ZNF462: variants seen among roughly 807,000 people sequenced by gnomAD.
The protein encoded by ZNF462 is zinc finger protein 462, also known as zinc finger PBX1-interacting protein.
Under a neutral mutation model 201.9 loss-of-function variants are expected in ZNF462, and 10 were observed. The ratio of observed to expected loss-of-function variants is 0.05; its 90% confidence interval spans 0.03 to 0.08. ZNF462 has a LOEUF of 0.08. ZNF462 is among the 10% of genes least tolerant of loss of function. The probability of loss-of-function intolerance (pLI) is 1.00; values close to 1 mark genes in which losing one functional copy is unlikely to be tolerated. For synonymous variants in ZNF462, 1,227 were observed against 1,193.3 expected, an observed-to-expected ratio of 1.03 and a Z score of -0.58; for missense variants, 2,523 against 3,168.3, an observed-to-expected ratio of 0.80 and a Z score of 4.89.
Position 106,923,223 on chromosome 9 carries a change from A to T in ZNF462, c.-30-131A>T. On this transcript the variant is annotated intron_variant, in intron 1 of 12. Transcript: ENST00000277225. This position sits in a 1 kb window ranked among gnomAD's most constrained non-coding sequence, Gnocchi z 5.6. ...TTGCCTCTCTTTAGCCAATGTTCCA[A>T]CTGGCAAAGTCCAATAAGAGAAATC... 1 of 659,074 alleles carries T rather than the reference A, an allele frequency of 1.5e-6. No homozygotes were observed. The highest frequency in any genetic ancestry group is 2.6e-6 in the Non-Finnish European group (1 of 380,654). 40.8% of individuals were successfully genotyped at this position (659,074 alleles called of 1,614,324 possible).
At position 106,863,192 on chromosome 9, in the gene ZNF462, G is replaced by A. The variant is rs1827133182; in HGVS notation, c.-194G>A. The A allele has an allele frequency of 2.5e-6, 1 of 399,282 alleles. No individual in the cohort carries two copies. 24.7% of individuals were successfully genotyped at this position (399,282 alleles called of 1,614,324 possible). A position where few individuals can be genotyped will look rare whatever the true frequency, so the allele number is the denominator to read the frequency against. On this transcript the variant is annotated 5_prime_UTR_variant, in exon 1 of 13. Transcript: ENST00000277225. ...AGTCTGAGGAGCCGAGGAAGGCAGG[G>A]AAGATGGCGATCCTCCATTGCTGAG...
Position 106,978,291 on chromosome 9 carries a change from C to T in ZNF462, c.6832+4018C>T, listed in dbSNP as rs1364175530. Among the ~76,000 whole-genome samples the T allele has an allele frequency of 6.6e-6, 1 of 151,482 alleles. No homozygotes were observed. The highest frequency in any genetic ancestry group is 1.5e-5 in the Non-Finnish European group (1 of 68,024). ...ACCACTGAGGTCGGTGGAAGCAAGA[C>T]ATGTTTGCAGAATGTTATTAGACAT... On this transcript the variant is annotated intron_variant, in intron 9 of 12. Coordinates refer to ENST00000277225, the MANE Select transcript of ZNF462 (RefSeq NM_021224.6). This position sits in a 1 kb window ranked among gnomAD's most constrained non-coding sequence, Gnocchi z 4.1.
intron 1 of ZNF462, among the ~76,000 whole-genome samples, chr9:106,900,378 A>G (rs879791831): frequency 1.3e-5 from 2 of 152,014 alleles, no homozygotes; most frequent in Non-Finnish European, 2.9e-5. Context: ...TAATGACTTC[A>G]TTTCCTCTGG....
Position 107,005,851 on chromosome 9 carries a change from A to G in ZNF462, c.7189+2425A>G, listed in dbSNP as rs1435041279. 6.6e-6 allele frequency among the ~76,000 whole-genome samples: 1 copy of G among 152,126 alleles called. No individual in the cohort carries two copies. Among genetic ancestry groups the G allele is most frequent in the Non-Finnish European group, 1.5e-5 (1 of 68,020 alleles). On this transcript the variant is annotated intron_variant, in intron 11 of 12. Transcript: ENST00000277225. The surrounding 1 kb of genome is among the most constrained non-coding windows in gnomAD (Gnocchi z 4.4). ...CAAGTTTTTAATTCATTTTGAGACG[A>G]TTTTTGTATCTGGTGTGAGATAAGG...
chr9:106,949,655 C>T (rs530629966), intron 7 of ZNF462, among the ~76,000 whole-genome samples: 18 of 152,114 alleles, frequency 1.2e-4, no homozygotes, highest in Non-Finnish European at 2.2e-4. Context: ...CTTCTACTTC[C>T]TTTGTTTAAT....
rs1830354683 is a variant in ZNF462, at chr9:106,929,906, G to A, written c.5847+147G>A. 1.4e-6 allele frequency: 1 copy of A among 719,230 alleles called. No homozygotes were observed. Among genetic ancestry groups the A allele is most frequent in the South Asian group, 1.9e-5 (1 of 52,932 alleles). The allele number at this position is 719,230 out of a possible 1,614,324, so 44.6% of individuals were successfully genotyped here. ...TCAATAAGTCAATTAAACATTTCGAGCTTGATTATCTCCCATTCTGTGCTC... is the reference window on the plus strand; with the variant it reads ...TCAATAAGTCAATTAAACATTTCGAACTTGATTATCTCCCATTCTGTGCTC... On this transcript the variant is annotated intron_variant, in intron 3 of 12. Coordinates refer to ENST00000277225, the MANE Select transcript of ZNF462 (RefSeq NM_021224.6). The surrounding 1 kb of genome is among the most constrained non-coding windows in gnomAD (Gnocchi z 8.7).
At chr9:106,871,326 C>T (rs1827581437) in intron 1 of ZNF462, among the ~76,000 whole-genome samples, 2 of 152,046 alleles carry the variant, frequency 1.3e-5, no homozygotes, top group South Asian at 2.1e-4. Context: ...GTAGCATCAG[C>T]ACAAGTAGAA....
At position 106,984,728 on chromosome 9, in the gene ZNF462, C is replaced by A. The variant is rs908947298; in HGVS notation, c.7056+319C>A. On this transcript the variant is annotated intron_variant, in intron 10 of 12. Transcript: ENST00000277225. This position sits in a 1 kb window ranked among gnomAD's most constrained non-coding sequence, Gnocchi z 6.4. The stretch of plus-strand genomic sequence containing the variant: ...TTATACTATACATAAAACATGATAC[C>A]TTACATTTTTTAAAGCTTATTCTAA... Among the ~76,000 whole-genome samples, 1 of 152,102 alleles carries A rather than the reference C, an allele frequency of 6.6e-6. No homozygotes were observed. Among genetic ancestry groups the A allele is most frequent in the African/African-American group, 2.4e-5 (1 of 41,420 alleles).
chr9:106,927,398 G>T lies in ZNF462; in HGVS notation c.3486G>T (p.Gly1162=), dbSNP rs758632270. 1.9e-6 allele frequency: 3 copies of T among 1,613,882 alleles called. No homozygotes were observed. Among genetic ancestry groups the T allele is most frequent in the African/African-American group, 1.3e-5 (1 of 74,952 alleles). ...CTGCAATGATGAGAGGGGTCGAAGG[G>T]CCCCAAGGCTCCCCCCGGCCACCCG... ...PTAAMMRGVE[G]PQGSPRPPAP... Residue 1162 remains glycine (G), a synonymous_variant, in exon 3 of 13, where the codon GGG becomes GGT. Coordinates refer to ENST00000277225, the MANE Select transcript of ZNF462 (RefSeq NM_021224.6).
chr9:106,924,545 A>G lies in ZNF462; in HGVS notation c.633A>G (p.Ser211=), dbSNP rs149654492. Reference sequence around the variant, plus strand: ...CAGACCCTGTGGTTCCGCCCGTATCACTGCAGGACCCCTGCAAGGAACTGC... The same window carrying G: ...CAGACCCTGTGGTTCCGCCCGTATCGCTGCAGGACCCCTGCAAGGAACTGC... ...PMPDPVVPPV[S]LQDPCKELPA... Residue 211 remains serine (S), a synonymous_variant, in exon 3 of 13, where the codon TCA becomes TCG. Coordinates refer to ENST00000277225, the MANE Select transcript of ZNF462 (RefSeq NM_021224.6). This position sits in a 1 kb window ranked among gnomAD's most constrained non-coding sequence, Gnocchi z 6.2. The G allele has an allele frequency of 3.8e-4, 621 of 1,614,152 alleles. 6 individuals carry two copies. In the African/African-American group the frequency reaches 7.5e-3, roughly 20 times the overall value.
chr9:106,951,337 A>G (rs1831337733), intron 7 of ZNF462, among the ~76,000 whole-genome samples: 1 of 152,140 alleles, frequency 6.6e-6, no homozygotes, highest in African/African-American at 2.4e-5. Flanking sequence ...ATCATCCACT[A>G]TGTGTTGCCA....
At chr9:106,864,814 G>C (rs1388201882) in intron 1 of ZNF462, among the ~76,000 whole-genome samples, 2 of 152,140 alleles carry the variant, frequency 1.3e-5, no homozygotes, top group Non-Finnish European at 2.9e-5. Context: ...GTTTGCTTTG[G>C]TTTTGTTTCT....
chr9:106,884,786 A>T (rs1828248489), intron 1 of ZNF462, among the ~76,000 whole-genome samples: 1 of 152,030 alleles, frequency 6.6e-6, no homozygotes, highest in Non-Finnish European at 1.5e-5. Flanking sequence ...TTGACCGAGG[A>T]CTTGTTCCAT....
Position 106,927,872 on chromosome 9 carries a change from C to G in ZNF462, c.3960C>G (p.Ser1320=). ...ACCACTGCGAGTGGTGCATCTACTCCCATACGGAGCCCAACGGTTTGCTCC... is the reference window on the plus strand; with the variant it reads ...ACCACTGCGAGTGGTGCATCTACTCGCATACGGAGCCCAACGGTTTGCTCC... ...AGYHCEWCIY[S]HTEPNGLLLH... is the part of the protein sequence containing the mutation. Residue 1320 remains serine, a synonymous_variant, in exon 3 of 13, where the codon TCC becomes TCG. Coordinates refer to ENST00000277225, the MANE Select transcript of ZNF462 (RefSeq NM_021224.6). 1.9e-6 allele frequency: 3 copies of G among 1,614,154 alleles called. No individual in the cohort carries two copies. Among genetic ancestry groups the G allele is most frequent in the Non-Finnish European group, 2.5e-6 (3 of 1,180,040 alleles).
At chr9:106,911,137 G>T (rs935421895) in intron 1 of ZNF462, among the ~76,000 whole-genome samples, 1 of 152,174 alleles carries the variant, frequency 6.6e-6, no homozygotes, top group Non-Finnish European at 1.5e-5. Context: ...ATCAGCACTT[G>T]AAGTAGCCAC....
chr9:106,930,362 T>G lies in ZNF462; in HGVS notation c.5848-163T>G, dbSNP rs1367209209. Among the ~76,000 whole-genome samples the G allele has an allele frequency of 6.6e-6, 1 of 152,222 alleles. No individual in the cohort carries two copies. Among genetic ancestry groups the G allele is most frequent in the Non-Finnish European group, 1.5e-5 (1 of 68,030 alleles). ...ACTTTGCATAGTAGGCAGCGTGCCA[T>G]GATGCTGACAAATTTGTTATATAAA... On this transcript the variant is annotated intron_variant, in intron 3 of 12. Coordinates refer to ENST00000277225, the MANE Select transcript of ZNF462 (RefSeq NM_021224.6). The surrounding 1 kb of genome is among the most constrained non-coding windows in gnomAD (Gnocchi z 5.8).
rs769185176 is a variant in ZNF462 at position 106,924,352 on chromosome 9, C to T, written c.440C>T (p.Ser147Phe). 3 of 1,613,956 alleles carry T rather than the reference C, an allele frequency of 1.9e-6. No individual in the cohort carries two copies. Among genetic ancestry groups the T allele is most frequent in the African/African-American group, 2.7e-5 (2 of 74,892 alleles). ...GSSSGPPVPG[S>F]LNYNIMMHEG... ...TCATCAGGACCCCCTGTCCCGGGAT[C>T]CTTAAATTATAATATCATGATGCAC... The change falls in exon 3 of 13, where the codon TCC becomes TTC. Residue 147 changes from serine (S) to phenylalanine (F), a missense_variant. Around this residue, in one of 15 missense-constraint regions of ZNF462, gnomAD observed 480 missense variants for 544.4 expected, o/e 0.88. Transcript: ENST00000277225. This position sits in a 1 kb window ranked among gnomAD's most constrained non-coding sequence, Gnocchi z 6.2.
At position 106,927,232 on chromosome 9, in the gene ZNF462, C is replaced by A; in HGVS notation, c.3320C>A (p.Pro1107Gln). 1 of 1,610,964 alleles carries A rather than the reference C, an allele frequency of 6.2e-7. No individual in the cohort carries two copies. The highest frequency in any genetic ancestry group is 8.5e-7 in the Non-Finnish European group (1 of 1,178,924). ...GSPPPPQPPP[P>Q]DLSTELYYCK... is the part of the protein sequence containing the mutation. Reference sequence around the variant, plus strand: ...CCACCCCCCCCACAACCCCCGCCACCAGACCTCAGTACTGAGCTTTACTAC... The same window carrying A: ...CCACCCCCCCCACAACCCCCGCCACAAGACCTCAGTACTGAGCTTTACTAC... The change falls in exon 3 of 13, where the codon CCA becomes CAA. Residue 1107 changes from proline to glutamine, a missense_variant. By Grantham distance (76) the Pro-to-Gln change is moderately conservative (BLOSUM62 -1). This residue lies in a region of ZNF462 where 280 missense variants were observed against 321.3 expected (regional missense o/e 0.87). Transcript: ENST00000277225.
chr9:106,928,744 C>G lies in ZNF462; in HGVS notation c.4832C>G (p.Ser1611Trp). The change falls in exon 3 of 13, where the codon TCG (serine) becomes TGG (tryptophan). Residue 1611 changes from serine (S) to tryptophan (W), a missense_variant. Physicochemically the swap from Ser to Trp is radical, Grantham distance 177. This residue lies in a region of ZNF462 where 200 missense variants were observed against 281.3 expected (regional missense o/e 0.71). Transcript: ENST00000277225. This position sits in a 1 kb window ranked among gnomAD's most constrained non-coding sequence, Gnocchi z 9.3. ...CCTGAATTTGATGTCTTTTCCCAGT[C>G]GCCCCCGAAGCTGCCAGTCCCCCTC... ...NQPEFDVFSQ[S>W]PPKLPVPLEP... The G allele has an allele frequency of 1.2e-6, 2 of 1,614,122 alleles. No homozygotes were observed. The highest frequency in any genetic ancestry group is 8.5e-7 in the Non-Finnish European group (1 of 1,180,034).
Sources: allele counts gnomAD v4.1 joint callset (sites outside exome capture counted in the v4.1 genomes callset), GRCh38; gene constraint gnomAD v4.1.1; regional missense constraint gnomAD v4.1.1; non-coding constraint Gnocchi (gnomAD v3.1); transcripts MANE v1.5; gene names NCBI Gene and HGNC (gene_info 2026-07-23, HGNC 2026-07-21).